ADGRF4: variants seen among roughly 807,000 people sequenced by gnomAD.
The protein encoded by ADGRF4 is G-protein coupled receptor PGR18.
ADGRF4 carries 63 observed loss-of-function variants against 58.5 expected under a neutral mutation model. That is an observed-to-expected ratio of 1.08 (90% CI 0.88 to 1.33). The LOEUF (loss-of-function observed/expected upper bound fraction) is 1.33, where lower values mean the gene tolerates loss of function less well. Ranked by LOEUF, ADGRF4 falls within the 40% of genes most tolerant of loss-of-function variation. The pLI is 0.00. For synonymous variants in ADGRF4, 313 were observed against 295.4 expected (o/e 1.06, Z -0.61); for missense variants, 931 against 843.9 (o/e 1.10, Z -1.28).
chr6:47,710,720 T>TCTTTCTC lies in ADGRF4; in HGVS notation c.149-15_149-14insCTTTCTC. On this transcript the variant is annotated splice_polypyrimidine_tract_variant and intron_variant, in intron 3 of 9. Coordinates refer to ENST00000283303, the MANE Select transcript of ADGRF4 (RefSeq NM_153838.5). ...GGGCTCCTGTCTCTCTCTCTTTCTC[T>TCTTTCTC]TTTTTTCTTTATAGAGAAATGCGAA... 1 of 233,496 alleles carries TCTTTCTC rather than the reference T, an allele frequency of 4.3e-6. No homozygotes were observed. Among genetic ancestry groups the TCTTTCTC allele is most frequent in the Non-Finnish European group, 6.7e-6 (1 of 149,820 alleles). 14.5% of individuals were successfully genotyped at this position (233,496 alleles called of 1,614,324 possible). A position where few individuals can be genotyped will look rare whatever the true frequency, so the allele number is the denominator to read the frequency against.
Position 47,710,719 on chromosome 6 carries a change from CT to C in ADGRF4, c.149-9del, listed in dbSNP as rs11356177. 0.62 allele frequency: 981,538 copies of C among 1,573,142 alleles called. 311,796 individuals are homozygous for C. Among genetic ancestry groups the C allele is most frequent in the South Asian group, 0.72 (60,453 of 84,490 alleles). ...TGGGCTCCTGTCTCTCTCTCTTTCT[CT>C]TTTTTTCTTTATAGAGAAATGCGAA... On this transcript the variant is annotated splice_polypyrimidine_tract_variant and intron_variant, in intron 3 of 9. Transcript: ENST00000283303.
At chr6:47,705,397 C>T (rs1436005388) in intron 1 of ADGRF4, among the ~76,000 whole-genome samples, 2 of 152,220 alleles carry the variant, frequency 1.3e-5, no homozygotes, top group African/African-American at 2.4e-5. Context: ...TTACGGCCTA[C>T]ATGGAGACTT....
At chr6:47,705,678 G>T (rs761045215) in intron 1 of ADGRF4, among the ~76,000 whole-genome samples, 3 of 152,182 alleles carry the variant, frequency 2.0e-5, no homozygotes, top group Non-Finnish European at 4.4e-5. Flanking sequence ...TCCATCTTAT[G>T]CTTGACTCTA....
At chr6:47,708,375 C>G in intron 3 of ADGRF4, 97 bp downstream of exon 3, 1 of 840,776 alleles carries the variant, frequency 1.2e-6, no homozygotes, top group African/African-American at 1.7e-5. Flanking sequence ...CACAGGCTTT[C>G]CAACTGAATA....
chr6:47,715,900 C>G (rs984076), intron 6 of ADGRF4, among the ~76,000 whole-genome samples: 38,240 of 152,124 alleles, frequency 0.25, 5,055 homozygotes, highest in African/African-American at 0.3. Flanking sequence ...TATATCTTAC[C>G]CATAATTCTG....
At chr6:47,720,362 C>T (rs979780898) in intron 9 of ADGRF4, among the ~76,000 whole-genome samples, 3 of 152,128 alleles carry the variant, frequency 2.0e-5, no homozygotes, top group Admixed American at 1.3e-4. Flanking sequence ...CGAAGGCTGA[C>T]ATGGTCTCAG....
Position 47,710,777 on chromosome 6 carries a change from A to G in ADGRF4, c.191A>G (p.Gln64Arg), listed in dbSNP as rs143012872. 1.3e-5 allele frequency: 21 copies of G among 1,611,678 alleles called. No individual in the cohort carries two copies. The highest frequency in any genetic ancestry group is 1.7e-5 in the Non-Finnish European group (20 of 1,179,206). The change falls in exon 4 of 10, where the codon CAG becomes CGG. Residue 64 changes from glutamine (Q) to arginine (R), a missense_variant. Physicochemically the swap from Gln to Arg is conservative, Grantham distance 43 (BLOSUM62 1). Coordinates refer to ENST00000283303, the MANE Select transcript of ADGRF4 (RefSeq NM_153838.5). ...GPCISSSNCS[Q>R]PCAKDFHGEI... is the part of the protein sequence containing the mutation. ...TGTATTTCTTCTTCCAACTGCAGCC[A>G]GCCCTGTGCTAAGGACTTTCATGGA...
Position 47,717,306 on chromosome 6 carries a change from G to A in ADGRF4, c.1989G>A (p.Leu663=), listed in dbSNP as rs1772044927. 1 of 1,610,728 alleles carries A rather than the reference G, an allele frequency of 6.2e-7. No individual in the cohort carries two copies. The highest frequency in any genetic ancestry group is 8.5e-7 in the Non-Finnish European group (1 of 1,176,914). Residue 663 remains leucine, a synonymous_variant, in exon 8 of 10, where the codon TTG becomes TTA. Coordinates refer to ENST00000283303, the MANE Select transcript of ADGRF4 (RefSeq NM_153838.5). ...TGCTTCTTTAGATAAGAGATGCTTT[G>A]AGGATGAGGATGTCTTCACTGAAGG... ...TIMDHKIRDA[L]RMRMSSLKGK...
chr6:47,700,749 C>T (rs1232516825), intron 1 of ADGRF4, among the ~76,000 whole-genome samples: 3 of 152,212 alleles, frequency 2.0e-5, no homozygotes, highest in Non-Finnish European at 2.9e-5. Flanking sequence ...GAGTTGCAAA[C>T]GTGCTCACCT....
chr6:47,713,616 A>G (rs1324280905), intron 5 of ADGRF4, among the ~76,000 whole-genome samples, 182 bp from the exon 6 acceptor site: 1 of 151,948 alleles, frequency 6.6e-6, no homozygotes, highest in Non-Finnish European at 1.5e-5. Context: ...TTTTTGCATT[A>G]TTTTACTTTT....
At chr6:47,707,463 T>G (rs890394139) in intron 2 of ADGRF4, 125 bp downstream of exon 2, 57 of 673,612 alleles carry the variant, frequency 8.5e-5, no homozygotes, top group Non-Finnish European at 1.2e-4. Flanking sequence ...TTACTCTTGC[T>G]GATAGTAACT....
Position 47,714,362 on chromosome 6 carries a change from G to T in ADGRF4, c.1117G>T (p.Glu373Ter), listed in dbSNP as rs771530266. 3.1e-6 allele frequency: 5 copies of T among 1,614,168 alleles called. No individual in the cohort carries two copies. In the East Asian group the frequency reaches 6.7e-5, roughly 22 times the overall value. Residue 373 changes from glutamate (E) to a stop codon, truncating the protein, a stop_gained, in exon 6 of 10, where the codon GAA becomes TAA. Transcript: ENST00000283303. LOFTEE classifies it high-confidence loss of function. ...ACQMMLDIRN[E>*]VKCRCNYTSV... ...CCAAATGATGTTGGATATCAGGAACGAAGTGAAATGCCGCTGTAACTACAC... is the reference window on the plus strand; with the variant it reads ...CCAAATGATGTTGGATATCAGGAACTAAGTGAAATGCCGCTGTAACTACAC...
At chr6:47,712,672 A>G in intron 5 of ADGRF4, 64 bp downstream of exon 5, 1 of 1,304,342 alleles carries the variant, frequency 7.7e-7, no homozygotes, top group Non-Finnish European at 1.1e-6. Context: ...ATAGTTTCAA[A>G]TATACTTTCC....
Position 47,707,249 on chromosome 6 carries a change from A to G in ADGRF4, c.4A>G (p.Lys2Glu). M[K>E]MKSQATMICC... ...TTGCAGGTGAAGATCCTCATGTATG[A>G]AAATGAAGTCCCAGGCAACCATGAT... Residue 2 changes from lysine (K) to glutamate (E), a missense_variant, in exon 2 of 10, where the codon AAA (lysine) becomes GAA (glutamate). Coordinates refer to ENST00000283303, the MANE Select transcript of ADGRF4 (RefSeq NM_153838.5). 1 of 1,607,016 alleles carries G rather than the reference A, an allele frequency of 6.2e-7. No homozygotes were observed. The highest frequency in any genetic ancestry group is 8.5e-7 in the Non-Finnish European group (1 of 1,173,606).
intron 1 of ADGRF4, among the ~76,000 whole-genome samples, chr6:47,699,488 G>T (rs144380932): frequency 6.6e-6 from 1 of 152,186 alleles, no homozygotes; most frequent in Non-Finnish European, 1.5e-5. Context: ...AAGATAGTTG[G>T]TGAGATATCT....
rs1045342673 is a variant in ADGRF4 at position 47,714,346 on chromosome 6, G to A, written c.1101G>A (p.Met367Ile). ...RRWDEKACQM[M>I]LDIRNEVKCR... ...GGGATGAGAAAGCGTGCCAAATGAT[G>A]TTGGATATCAGGAACGAAGTGAAAT... Residue 367 changes from methionine (M) to isoleucine (I), a missense_variant, in exon 6 of 10, where the codon ATG becomes ATA. Met to Ile is a conservative substitution (Grantham distance 10). Transcript: ENST00000283303. 2 of 1,614,070 alleles carry A rather than the reference G, an allele frequency of 1.2e-6. No individual in the cohort carries two copies. The highest frequency in any genetic ancestry group is 2.7e-5 in the African/African-American group (2 of 74,940).
intron 3 of ADGRF4, among the ~76,000 whole-genome samples, chr6:47,709,326 A>G (rs1308693640): frequency 1.3e-5 from 2 of 152,178 alleles, no homozygotes; most frequent in South Asian, 2.1e-4. Context: ...GCCTGCCACT[A>G]GTTTTGGTAA....
At chr6:47,702,442 C>T (rs1581689331) in intron 1 of ADGRF4, among the ~76,000 whole-genome samples, 1 of 152,198 alleles carries the variant, frequency 6.6e-6, no homozygotes. Flanking sequence ...AGTCCCACTC[C>T]CCGAATTCAA....
chr6:47,713,789 C>T lies in ADGRF4; in HGVS notation c.553-9C>T, dbSNP rs189101072. The T allele has an allele frequency of 1.3e-6, 2 of 1,517,546 alleles. No homozygotes were observed. Among genetic ancestry groups the T allele is most frequent in the Non-Finnish European group, 1.8e-6 (2 of 1,134,400 alleles). 94.0% of individuals were successfully genotyped at this position (1,517,546 alleles called of 1,614,324 possible). ...TCCTTAGTATAATGTTCACCTTTCTCCATTGCAGAGCTATAGTGAAGTGGC... is the reference window on the plus strand; with the variant it reads ...TCCTTAGTATAATGTTCACCTTTCTTCATTGCAGAGCTATAGTGAAGTGGC... On this transcript the variant is annotated splice_polypyrimidine_tract_variant and intron_variant, in intron 5 of 9. Transcript: ENST00000283303.
Sources: gnomAD v4.1 joint callset for allele counts (sites outside exome capture counted in the v4.1 genomes callset) on GRCh38, gnomAD v4.1.1 for gene constraint, MANE v1.5 for transcripts, NCBI Gene and HGNC (gene_info 2026-07-23, HGNC 2026-07-21) for gene names.